SLC37A3: variants seen among roughly 807,000 people sequenced by gnomAD.
The protein encoded by SLC37A3 is sugar phosphate exchanger 3.
In SLC37A3, 51 loss-of-function variants were observed where a neutral mutation model predicts 67.1. The observed-to-expected ratio is 0.76, with a 90% CI of 0.61 to 0.96. The LOEUF (loss-of-function observed/expected upper bound fraction) is 0.96. Ranked by LOEUF, SLC37A3 falls within the 40% of genes least tolerant of loss-of-function variation. The pLI is 0.00. For synonymous variants in SLC37A3, 214 were observed against 231.4 expected (o/e 0.92, Z 0.68); for missense variants, 508 against 603.0 (o/e 0.84, Z 1.65).
At chr7:140,387,714 C>T (rs191404830) in intron 1 of SLC37A3, among the ~76,000 whole-genome samples, 14 of 11,302 alleles carry the variant, frequency 1.2e-3, no homozygotes, top group South Asian at 4.6e-3. Context: ...TATAAATATA[C>T]TATATATATT....
intron 3 of SLC37A3, among the ~76,000 whole-genome samples, chr7:140,374,597 C>T (rs1014562702): frequency 1.4e-4 from 21 of 151,964 alleles, no homozygotes; most frequent in Non-Finnish European, 2.1e-4. Flanking sequence ...CCAGGCAGGA[C>T]GATCCCTTGA....
chr7:140,339,088 C>T (rs1426029277), intron 13 of SLC37A3, among the ~76,000 whole-genome samples: 1 of 152,096 alleles, frequency 6.6e-6, no homozygotes, highest in African/African-American at 2.4e-5. Flanking sequence ...ATGATCACAG[C>T]TCACTGTAAC....
intron 5 of SLC37A3, among the ~76,000 whole-genome samples, chr7:140,359,022 G>A (rs1018274662): frequency 6.6e-6 from 1 of 152,146 alleles, no homozygotes; most frequent in African/African-American, 2.4e-5. Context: ...AAGTCATTAA[G>A]CTATCAGCCC....
chr7:140,341,105 T>A (rs1796345227), intron 13 of SLC37A3, among the ~76,000 whole-genome samples: 1 of 152,106 alleles, frequency 6.6e-6, no homozygotes, highest in African/African-American at 2.4e-5. Flanking sequence ...GCTAACTTTT[T>A]ATTTTTTGTA....
At position 140,377,103 on chromosome 7, in the gene SLC37A3, C is replaced by A. The variant is rs1362354940; in HGVS notation, c.198+3179G>T. Among the ~76,000 whole-genome samples the A allele has an allele frequency of 2.0e-5, 3 of 152,006 alleles. No individual in the cohort carries two copies. In the East Asian group the frequency reaches 5.8e-4, roughly 29 times the overall value. ...GGACTACAGGCATGCATCACCATAC[C>A]CAGCTAATTTTTGTATTTTTAGTAG... is the stretch of plus-strand genomic sequence containing the variant. On this transcript the variant is annotated intron_variant, in intron 3 of 14. Coordinates refer to ENST00000326232, the MANE Select transcript of SLC37A3 (RefSeq NM_207113.3).
At chr7:140,357,342 G>A (rs1193722653) in intron 6 of SLC37A3, among the ~76,000 whole-genome samples, 2 of 152,190 alleles carry the variant, frequency 1.3e-5, no homozygotes, top group East Asian at 1.9e-4. Context: ...GTTCCCAGGA[G>A]CTTTATTTGT....
At position 140,343,304 on chromosome 7, in the gene SLC37A3, C is replaced by G. The variant is rs118007150; in HGVS notation, c.1326+108G>C. On this transcript the variant is annotated intron_variant, in intron 13 of 14. Coordinates refer to ENST00000326232, the MANE Select transcript of SLC37A3 (RefSeq NM_207113.3). Reference sequence around the variant, plus strand: ...GGAAGTCCTTGGGCTCTGGGAACAGCGTTCTACAGCACAAGAGTGCCACCT... The same window carrying G: ...GGAAGTCCTTGGGCTCTGGGAACAGGGTTCTACAGCACAAGAGTGCCACCT... The G allele has an allele frequency of 3.8e-4, 568 of 1,484,020 alleles. 5 individuals carry two copies. In the East Asian group the frequency reaches 0.011, roughly 29 times the overall value. 91.9% of individuals were successfully genotyped at this position (1,484,020 alleles called of 1,614,324 possible). A position where few individuals can be genotyped will look rare whatever the true frequency, so the allele number is the denominator to read the frequency against.
chr7:140,365,078 G>A (rs1379862653), intron 4 of SLC37A3, among the ~76,000 whole-genome samples: 2 of 152,172 alleles, frequency 1.3e-5, no homozygotes, highest in Non-Finnish European at 2.9e-5. Context: ...ACATCCCAAG[G>A]CAGGGAGAGT....
intron 7 of SLC37A3, among the ~76,000 whole-genome samples, chr7:140,354,509 C>T (rs1425814525): frequency 6.6e-6 from 1 of 151,764 alleles, no homozygotes; most frequent in African/African-American, 2.4e-5. Context: ...AGATTTTTGT[C>T]CCTGTTGGTC....
chr7:140,377,122 T>C (rs904037995), intron 3 of SLC37A3, among the ~76,000 whole-genome samples: 4 of 151,888 alleles, frequency 2.6e-5, no homozygotes, highest in Non-Finnish European at 4.4e-5. Context: ...TTTTGTATTT[T>C]TAGTAGAGAA....
At chr7:140,381,287 G>T (rs1307248945) in intron 2 of SLC37A3, among the ~76,000 whole-genome samples, 1 of 151,224 alleles carries the variant, frequency 6.6e-6, no homozygotes, top group Non-Finnish European at 1.5e-5. Context: ...GCTGAGGTGG[G>T]AGGATTGCTT....
chr7:140,382,009 G>A lies in SLC37A3; in HGVS notation c.89+429C>T, dbSNP rs7800542. ...AGCCTGGGCGACAAAGTGATACTCC[G>A]TCTCAAAAAAAAAAAAAAAAAGTGA... On this transcript the variant is annotated intron_variant, in intron 2 of 14. Coordinates refer to ENST00000326232, the MANE Select transcript of SLC37A3 (RefSeq NM_207113.3). Among the ~76,000 whole-genome samples, 395 of 87,798 alleles carry A rather than the reference G, an allele frequency of 4.5e-3. 3 individuals carry two copies. Among genetic ancestry groups the A allele is most frequent in the African/African-American group, 0.016 (368 of 22,930 alleles). 57.6% of individuals were successfully genotyped at this position (87,798 alleles called of 152,430 possible).
rs985280876 is a variant in SLC37A3, at chr7:140,351,744, G to T, written c.704-293C>A. On this transcript the variant is annotated intron_variant, in intron 8 of 14. Coordinates refer to ENST00000326232, the MANE Select transcript of SLC37A3 (RefSeq NM_207113.3). ...TGTGCATCATTTTTATGGATGAAAA[G>T]AAATGTTTCAAGAAGTGAAATCAGA... The T allele has an allele frequency of 9.0e-6, 5 of 558,548 alleles. No individual in the cohort carries two copies. In the East Asian group the frequency reaches 9.2e-5, roughly 10 times the overall value. The allele number at this position is 558,548 out of a possible 1,614,324, so 34.6% of individuals were successfully genotyped here.
chr7:140,341,217 G>A (rs1165716273), intron 13 of SLC37A3, among the ~76,000 whole-genome samples: 1 of 152,118 alleles, frequency 6.6e-6, no homozygotes, highest in Admixed American at 6.5e-5. Flanking sequence ...ACTGGCATGA[G>A]CCACCACACC....
At chr7:140,366,562 A>T (rs1008675868) in intron 4 of SLC37A3, among the ~76,000 whole-genome samples, 1 of 152,152 alleles carries the variant, frequency 6.6e-6, no homozygotes, top group African/African-American at 2.4e-5. Context: ...GACTCCATAG[A>T]TGAGGAAACT....
intron 7 of SLC37A3, among the ~76,000 whole-genome samples, chr7:140,353,549 G>A (rs938430362): frequency 3.3e-5 from 5 of 151,388 alleles, no homozygotes; most frequent in East Asian, 3.9e-4. Flanking sequence ...CAATTCTCCC[G>A]ATTTTCCCAA....
At chr7:140,341,868 C>A (rs901393569) in intron 13 of SLC37A3, among the ~76,000 whole-genome samples, 3 of 152,324 alleles carry the variant, frequency 2.0e-5, no homozygotes, top group African/African-American at 7.2e-5. Flanking sequence ...CTCTCTACCC[C>A]ATAGGTGAAG....
chr7:140,360,730 T>A (rs1278445379), intron 5 of SLC37A3, among the ~76,000 whole-genome samples: 1 of 57,582 alleles, frequency 1.7e-5, no homozygotes, highest in African/African-American at 5.8e-5. Context: ...CAAGACTCCG[T>A]TTAAAAAAAA....
At chr7:140,394,755 T>A (rs1301104948) in intron 1 of SLC37A3, among the ~76,000 whole-genome samples, 2 of 151,438 alleles carry the variant, frequency 1.3e-5, no homozygotes, top group Admixed American at 1.3e-4. Context: ...ACTACAGGCA[T>A]GCACCACCAC....
Sources: gnomAD v4.1 joint callset for allele counts (sites outside exome capture counted in the v4.1 genomes callset) on GRCh38, gnomAD v4.1.1 for gene constraint, MANE v1.5 for transcripts, NCBI Gene and HGNC (gene_info 2026-07-23, HGNC 2026-07-21) for gene names.